Variants in PCDH15 observed in about 807,000 individuals in gnomAD.
The protein encoded by PCDH15 is protocadherin-15.
In PCDH15, 129 loss-of-function variants were observed where a neutral mutation model predicts 178.5. The observed-to-expected ratio is 0.72, with a 90% CI of 0.63 to 0.84. PCDH15 has a LOEUF of 0.84. Ranked by LOEUF, PCDH15 falls within the 40% of genes least tolerant of loss-of-function variation. The pLI is 0.00. For synonymous variants in PCDH15, 800 were observed against 732.0 expected, an observed-to-expected ratio of 1.09 and a Z score of -1.50; for missense variants, 2,230 against 2,099.9, an observed-to-expected ratio of 1.06 and a Z score of -1.21.
chr10:54,038,976 C>A (rs1438161083), intron 18 of PCDH15, among the ~76,000 whole-genome samples: 4 of 151,826 alleles, frequency 2.6e-5, no homozygotes, highest in Non-Finnish European at 5.9e-5. Flanking sequence ...CATTTTCCAC[C>A]CCTGTGCCCA....
At chr10:55,484,538 A>G (rs1301066466) in intron 2 of PCDH15, among the ~76,000 whole-genome samples, 3 of 151,806 alleles carry the variant, frequency 2.0e-5, no homozygotes, top group Admixed American at 6.6e-5. Flanking sequence ...AAAAATGGAA[A>G]AATAATCCTA....
At chr10:55,166,001 T>G (rs570657995) in intron 2 of PCDH15, among the ~76,000 whole-genome samples, 1 of 152,134 alleles carries the variant, frequency 6.6e-6, no homozygotes, top group Non-Finnish European at 1.5e-5. Flanking sequence ...GTTACCCAAA[T>G]TTTATTTTAA....
chr10:55,308,048 ATTACT>A (rs1263067191), intron 1 of PCDH15, among the ~76,000 whole-genome samples: 1 of 152,200 alleles, frequency 6.6e-6, no homozygotes, highest in Non-Finnish European at 1.5e-5. Flanking sequence ...ATCATTAAAA[ATTACT>A]TTAAAAAGTT....
chr10:54,840,050 G>A (rs1261859407), intron 3 of PCDH15, among the ~76,000 whole-genome samples: 2 of 151,986 alleles, frequency 1.3e-5, no homozygotes, highest in African/African-American at 4.8e-5. Context: ...TATAATAAAT[G>A]CCAAAAGAAT....
At chr10:54,587,054 C>A (rs2091522925) in intron 2 of PCDH15, among the ~76,000 whole-genome samples, 1 of 152,192 alleles carries the variant, frequency 6.6e-6, no homozygotes, top group Non-Finnish European at 1.5e-5. Flanking sequence ...AGTGTATTAA[C>A]TGTAAGTAAT....
At chr10:55,476,103 T>C (rs1329723646) in intron 2 of PCDH15, among the ~76,000 whole-genome samples, 1 of 152,120 alleles carries the variant, frequency 6.6e-6, no homozygotes, top group Non-Finnish European at 1.5e-5. Flanking sequence ...CACTGCTTAA[T>C]ATCCAGTGCA....
upstream of PCDH15, among the ~76,000 whole-genome samples, chr10:54,806,055 A>G (rs1391292681): frequency 6.6e-6 from 1 of 152,186 alleles, no homozygotes; most frequent in Non-Finnish European, 1.5e-5. Context: ...ACTAAAGAGA[A>G]GTGCAGATAA....
intron 2 of PCDH15, among the ~76,000 whole-genome samples, chr10:54,590,672 G>A (rs2091825001): frequency 6.6e-6 from 1 of 152,154 alleles, no homozygotes; most frequent in South Asian, 2.1e-4. Flanking sequence ...ATAGAAATCT[G>A]TTAAAGACCC....
intron 20 of PCDH15, among the ~76,000 whole-genome samples, chr10:54,006,996 A>G (rs1162527242): frequency 6.6e-6 from 1 of 152,184 alleles, no homozygotes; most frequent in Non-Finnish European, 1.5e-5. Flanking sequence ...ATCCAAAATT[A>G]TAATGAGCAA....
At chr10:55,437,293 A>C (rs1291935645) in intron 2 of PCDH15, among the ~76,000 whole-genome samples, 1 of 152,178 alleles carries the variant, frequency 6.6e-6, no homozygotes, top group Non-Finnish European at 1.5e-5. Flanking sequence ...ACAGATAAAG[A>C]GTTTGGGCCC....
chr10:54,617,655 G>T (rs1286862926), intron 2 of PCDH15, among the ~76,000 whole-genome samples: 1 of 151,094 alleles, frequency 6.6e-6, no homozygotes, highest in Non-Finnish European at 1.5e-5. Context: ...GAAAAGGCCA[G>T]GCACGGTGGC....
chr10:55,122,702 C>T (rs978153475), intron 2 of PCDH15, among the ~76,000 whole-genome samples: 1 of 152,012 alleles, frequency 6.6e-6, no homozygotes, highest in Non-Finnish European at 1.5e-5. Flanking sequence ...ACAAGTGAAA[C>T]CTCAGAAGCT....
intron 7 of PCDH15, among the ~76,000 whole-genome samples, chr10:54,326,814 A>G (rs1938226982): frequency 1.3e-5 from 2 of 152,194 alleles, no homozygotes; most frequent in South Asian, 4.1e-4. Flanking sequence ...ATTATCTTAC[A>G]TTATGTAGCT....
intron 1 of PCDH15, among the ~76,000 whole-genome samples, chr10:54,742,157 ACT>A (rs1175028303): frequency 1.3e-5 from 2 of 151,930 alleles, no homozygotes; most frequent in African/African-American, 4.8e-5. Context: ...GAGGTCATTG[ACT>A]CTTTACAGAA....
At chr10:54,860,167 G>A (rs943185269) in intron 3 of PCDH15, among the ~76,000 whole-genome samples, 1 of 151,900 alleles carries the variant, frequency 6.6e-6, no homozygotes. Flanking sequence ...TTTTATTTTA[G>A]ATTCAGGGTA....
At chr10:54,449,052 A>G (rs902186624) in intron 3 of PCDH15, among the ~76,000 whole-genome samples, 1 of 151,596 alleles carries the variant, frequency 6.6e-6, no homozygotes, top group Non-Finnish European at 1.5e-5. Context: ...CAGTAAGAAA[A>G]CTCAGAGTCT....
intron 2 of PCDH15, among the ~76,000 whole-genome samples, chr10:55,468,814 T>C (rs556382129): frequency 6.6e-6 from 1 of 152,304 alleles, no homozygotes; most frequent in South Asian, 2.1e-4. Context: ...AAAAACATTC[T>C]ACCCTGAACT....
chr10:53,966,531 G>T (rs1380947870), intron 21 of PCDH15, among the ~76,000 whole-genome samples: 3 of 151,898 alleles, frequency 2.0e-5, no homozygotes, highest in Non-Finnish European at 2.9e-5. Context: ...TTGGGAAACA[G>T]CTCTAATTCC....
In PCDH15 at chr10:54,237,001, C is replaced by T. The variant is rs721825; in HGVS notation, c.877-70G>A. On this transcript the variant is annotated intron_variant, in intron 8 of 37. Transcript: ENST00000644397. ...ACTTCATGAAGGATTGAGACAGATGCTTTAGTTTGGAAATCTATATAACGT... is the reference window on the plus strand; with the variant it reads ...ACTTCATGAAGGATTGAGACAGATGTTTTAGTTTGGAAATCTATATAACGT... 926,138 of 1,280,698 alleles carry T rather than the reference C, an allele frequency of 0.72. 344,755 individuals are homozygous for T. Among genetic ancestry groups the T allele is most frequent in the African/African-American group, 0.84 (57,478 of 68,352 alleles). The allele number at this position is 1,280,698 out of a possible 1,614,324, so 79.3% of individuals were successfully genotyped here.
Sources: allele counts gnomAD v4.1 joint callset (sites outside exome capture counted in the v4.1 genomes callset), GRCh38; gene constraint gnomAD v4.1.1; transcripts MANE v1.5; gene names NCBI Gene and HGNC (gene_info 2026-07-23, HGNC 2026-07-21).